SHPRH: variants seen among roughly 807,000 people sequenced by gnomAD.
SHPRH encodes E3 ubiquitin-protein ligase SHPRH.
Under a neutral mutation model 202.5 loss-of-function variants are expected in SHPRH, and 106 were observed. The observed-to-expected ratio is 0.52, with a 90% CI of 0.45 to 0.62. SHPRH has a LOEUF of 0.62. Ranked by LOEUF, SHPRH falls within the 20% of genes least tolerant of loss-of-function variation. The pLI, the probability that SHPRH is intolerant of heterozygous loss-of-function variation, is 0.00. For missense variants in SHPRH, 1,710 were observed against 2,020.0 expected (o/e 0.85, Z 2.94); for synonymous variants, 729 against 686.0 (o/e 1.06, Z -0.98).
At chr6:145,887,379 A>G (rs1781129629) in intron 29 of SHPRH, among the ~76,000 whole-genome samples, 1 of 152,164 alleles carries the variant, frequency 6.6e-6, no homozygotes, top group Admixed American at 6.6e-5. Context: ...AGATGTAGAA[A>G]GATTTATGTT....
chr6:145,880,635 A>G (rs1780517008), downstream of SHPRH, among the ~76,000 whole-genome samples: 1 of 151,892 alleles, frequency 6.6e-6, no homozygotes, highest in South Asian at 2.1e-4. Flanking sequence ...TCTCAAAGAA[A>G]AAAAAAAAAA....
intron 14 of SHPRH, among the ~76,000 whole-genome samples, chr6:145,931,082 T>C (rs1457246869): frequency 6.6e-6 from 1 of 152,128 alleles, no homozygotes; most frequent in South Asian, 2.1e-4. Flanking sequence ...TTGATTAGTG[T>C]TAACATATCT....
At position 145,923,787 on chromosome 6, in the gene SHPRH, T is replaced by C. The variant is rs1270329346; in HGVS notation, c.3403-2A>G. ...CCACCAAGGAGAATTAGAATGAATCTGTAAAAAAGGTAGCAGTTAATCAAT... is the reference window on the plus strand; with the variant it reads ...CCACCAAGGAGAATTAGAATGAATCCGTAAAAAAGGTAGCAGTTAATCAAT... On this transcript the variant is annotated splice_acceptor_variant, in intron 17 of 29. Coordinates refer to ENST00000275233, the MANE Select transcript of SHPRH (RefSeq NM_001042683.3). LOFTEE classifies it high-confidence loss of function. 6.2e-7 allele frequency: 1 copy of C among 1,607,762 alleles called. No individual in the cohort carries two copies. Among genetic ancestry groups the C allele is most frequent in the South Asian group, 1.1e-5 (1 of 90,166 alleles).
chr6:145,955,099 T>C lies in SHPRH; in HGVS notation c.224A>G (p.Lys75Arg). ...VAHRDKKRCS[K>R]VVSFSKPIEK... ...AATTGGTTTTGAGAAGCTCACCACT[T>C]TTGAACACCTCTTCTTATCTCTGTG... Residue 75 changes from lysine to arginine, a missense_variant, in exon 2 of 30, where the codon AAA (lysine) becomes AGA (arginine). Transcript: ENST00000275233. The C allele has an allele frequency of 6.2e-7, 1 of 1,613,442 alleles. No individual in the cohort carries two copies. Among genetic ancestry groups the C allele is most frequent in the Non-Finnish European group, 8.5e-7 (1 of 1,179,918 alleles).
chr6:145,895,378 A>G lies in SHPRH; in HGVS notation c.4516-401T>C, dbSNP rs1036505040. ...TTATGTCATTAGAAATGTTAAGAAT[A>G]CAATGAATCAAAACTCCCAATGTAA... On this transcript the variant is annotated intron_variant, in intron 25 of 29. Transcript: ENST00000275233. Among the ~76,000 whole-genome samples the G allele has an allele frequency of 2.0e-5, 3 of 152,102 alleles. No individual in the cohort carries two copies. In the East Asian group the frequency reaches 5.8e-4, roughly 29 times the overall value.
chr6:145,900,791 C>G (rs925301424), intron 25 of SHPRH, among the ~76,000 whole-genome samples: 1 of 151,990 alleles, frequency 6.6e-6, no homozygotes, highest in Non-Finnish European at 1.5e-5. Flanking sequence ...GTAAATCTTA[C>G]GTAAATTATT....
intron 5 of SHPRH, 141 bp from the exon 6 acceptor site, chr6:145,947,784 C>T: frequency 1.8e-6 from 2 of 1,117,816 alleles, no homozygotes; most frequent in Non-Finnish European, 2.5e-6. Flanking sequence ...CAAAACAATT[C>T]AAACCTTAGA....
intron 2 of SHPRH, among the ~76,000 whole-genome samples, chr6:145,877,246 C>A (rs796443786): frequency 6.6e-5 from 10 of 152,250 alleles, no homozygotes; most frequent in African/African-American, 2.4e-4. Context: ...AATGGTTTTC[C>A]AAAGCAGCTG....
At chr6:145,909,171 T>A (rs1354792651) in intron 25 of SHPRH, 1 of 152,152 alleles carries the variant, frequency 6.6e-6, no homozygotes, top group Non-Finnish European at 1.5e-5. Flanking sequence ...TCAGGTAGCA[T>A]GATGCCTCCA....
At chr6:145,958,019 T>C (rs1334731241) in intron 1 of SHPRH, among the ~76,000 whole-genome samples, 2 of 152,158 alleles carry the variant, frequency 1.3e-5, no homozygotes, top group Non-Finnish European at 2.9e-5. Flanking sequence ...ATAACCTGAA[T>C]GAACTGTTAA....
chr6:145,940,074 T>C (rs916069385), intron 11 of SHPRH, among the ~76,000 whole-genome samples: 2 of 152,144 alleles, frequency 1.3e-5, no homozygotes, highest in Non-Finnish European at 2.9e-5. Flanking sequence ...GTTTTAGAAA[T>C]GCAGTGTCCG....
At chr6:145,931,140 T>G (rs1785396928) in intron 14 of SHPRH, among the ~76,000 whole-genome samples, 1 of 152,120 alleles carries the variant, frequency 6.6e-6, no homozygotes. Context: ...GTAGGTTTCT[T>G]ATAGAGAACA....
rs1377375315 is a variant in SHPRH at position 145,922,754 on chromosome 6, C to T, written c.3628G>A (p.Ala1210Thr). Reference protein sequence around the residue: ...LNKCQKLVREAVKNLEGPPSR... With the variant: ...LNKCQKLVRETVKNLEGPPSR... The stretch of plus-strand genomic sequence containing the variant: ...GGAGGTCCCTCCAGGTTTTTTACAG[C>T]CTCTCTTACTAGCTTCTGGCATTTA... The change falls in exon 19 of 30, where the codon GCT becomes ACT. Residue 1210 changes from alanine (A) to threonine (T), a missense_variant. This residue lies in a region of SHPRH where 288 missense variants were observed against 317.8 expected (regional missense o/e 0.91). Coordinates refer to ENST00000275233, the MANE Select transcript of SHPRH (RefSeq NM_001042683.3). 3.1e-6 allele frequency: 5 copies of T among 1,612,006 alleles called. No individual in the cohort carries two copies. The highest frequency in any genetic ancestry group is 3.4e-6 in the Non-Finnish European group (4 of 1,178,828).
chr6:145,955,353 C>A lies in SHPRH; in HGVS notation c.-31G>T. On this transcript the variant is annotated splice_region_variant and 5_prime_UTR_variant, in exon 2 of 30. Coordinates refer to ENST00000275233, the MANE Select transcript of SHPRH (RefSeq NM_001042683.3). Reference sequence around the variant, plus strand: ...AGTTTTCTTGGCTGGTAACTGTGAACTCTAGAGGACAAATGAAACAACAGG... The same window carrying A: ...AGTTTTCTTGGCTGGTAACTGTGAAATCTAGAGGACAAATGAAACAACAGG... 6.4e-7 allele frequency: 1 copy of A among 1,564,296 alleles called. No individual in the cohort carries two copies. The highest frequency in any genetic ancestry group is 8.6e-7 in the Non-Finnish European group (1 of 1,160,586).
Position 145,910,485 on chromosome 6 carries a change from G to A in SHPRH, c.4478C>T (p.Ser1493Leu), listed in dbSNP as rs1466868994. ...SHKEISYVFT[S>L]EKANQEEDIP... ...GTCCTCCTCCTGGTTTGCTTTCTCT[G>A]AGGTAAAGACATACGAGATTTCTTT... The change falls in exon 25 of 30, where the codon TCA becomes TTA. Residue 1493 changes from serine to leucine, a missense_variant. Around this residue, in one of 8 missense-constraint regions of SHPRH, gnomAD observed 306 missense variants for 479.5 expected, o/e 0.64. Coordinates refer to ENST00000275233, the MANE Select transcript of SHPRH (RefSeq NM_001042683.3). 6.2e-7 allele frequency: 1 copy of A among 1,612,770 alleles called. No homozygotes were observed. Among genetic ancestry groups the A allele is most frequent in the Non-Finnish European group, 8.5e-7 (1 of 1,179,458 alleles).
At chr6:145,896,596 C>T (rs1012810221) in intron 25 of SHPRH, among the ~76,000 whole-genome samples, 2 of 152,010 alleles carry the variant, frequency 1.3e-5, no homozygotes, top group Non-Finnish European at 2.9e-5. Context: ...CCAACCACTA[C>T]AGTTCTGAAC....
chr6:145,896,781 C>T (rs1460875549), intron 25 of SHPRH, among the ~76,000 whole-genome samples: 1 of 151,972 alleles, frequency 6.6e-6, no homozygotes, highest in Non-Finnish European at 1.5e-5. Context: ...AATTAAATAA[C>T]ATGCTCTTGA....
intron 1 of SHPRH, among the ~76,000 whole-genome samples, chr6:145,962,445 T>C (rs1472773647): frequency 1.3e-5 from 2 of 152,220 alleles, no homozygotes; most frequent in Non-Finnish European, 2.9e-5. Context: ...TCTAGAAGAC[T>C]ATAGGTAATA....
At chr6:145,887,546 T>C (rs1467172275) in intron 29 of SHPRH, among the ~76,000 whole-genome samples, 1 of 149,190 alleles carries the variant, frequency 6.7e-6, no homozygotes, top group Non-Finnish European at 1.5e-5. Context: ...TTTTTTTTTT[T>C]TTTTTTTGAG....
Sources: allele counts gnomAD v4.1 joint callset (sites outside exome capture counted in the v4.1 genomes callset), GRCh38; gene constraint gnomAD v4.1.1; regional missense constraint gnomAD v4.1.1; transcripts MANE v1.5; gene names NCBI Gene and HGNC (gene_info 2026-07-23, HGNC 2026-07-21).